Variants in KDM2B observed in about 807,000 individuals in gnomAD.
KDM2B encodes lysine-specific demethylase 2B.
In KDM2B, 26 loss-of-function variants were observed where a neutral mutation model predicts 150.0. That is an observed-to-expected ratio of 0.17 (90% CI 0.13 to 0.24). KDM2B has a LOEUF of 0.24. KDM2B is among the 10% of genes least tolerant of loss of function. The pLI is 1.00. For synonymous variants in KDM2B, 734 were observed against 729.5 expected, an observed-to-expected ratio of 1.01 and a Z score of -0.10; for missense variants, 1,265 against 1,816.9, an observed-to-expected ratio of 0.70 and a Z score of 5.52.
chr12:121,443,815 A>G, intron 16 of KDM2B, 22 bp from the exon 17 acceptor site: 1 of 1,479,958 alleles, frequency 6.8e-7, no homozygotes, highest in Non-Finnish European at 9.3e-7. Flanking sequence ...TGGAGTGGGA[A>G]GAGGAGTGAC....
At chr12:121,485,175 T>C (rs1022514069) in intron 12 of KDM2B, among the ~76,000 whole-genome samples, 8 of 152,068 alleles carry the variant, frequency 5.3e-5, no homozygotes, top group African/African-American at 1.9e-4. Context: ...TCATGAGCCT[T>C]TGTTATGAAG....
At chr12:121,540,848 A>T (rs1888551949) in intron 6 of KDM2B, among the ~76,000 whole-genome samples, 1 of 151,478 alleles carries the variant, frequency 6.6e-6, no homozygotes, top group Non-Finnish European at 1.5e-5. Context: ...ACTCTTCCAC[A>T]TCCACTGTGG....
At chr12:121,507,464 A>T (rs986150508) in intron 11 of KDM2B, among the ~76,000 whole-genome samples, 6 of 152,244 alleles carry the variant, frequency 3.9e-5, no homozygotes, top group Non-Finnish European at 5.9e-5. Context: ...GCCTCATTTC[A>T]TATTATCACG....
Position 121,509,860 on chromosome 12 carries a change from C to T in KDM2B, c.1354G>A (p.Glu452Lys). 1.2e-6 allele frequency: 2 copies of T among 1,613,926 alleles called. No homozygotes were observed. The highest frequency in any genetic ancestry group is 1.7e-6 in the Non-Finnish European group (2 of 1,179,992). ...GSTSPTSTPS[E>K]DQEALGKKPK... is the part of the protein sequence containing the mutation. ...TTCTTCCCGAGGGCCTCCTGGTCCT[C>T]AGAGGGCGTGCTGGTGGGTGAAGTG... is the stretch of plus-strand genomic sequence containing the variant. The change falls in exon 11 of 23, where the codon GAG (glutamate) becomes AAG (lysine). Residue 452 changes from glutamate to lysine, a missense_variant. Transcript: ENST00000377071.
chr12:121,578,844 G>C lies in KDM2B; in HGVS notation c.229C>G (p.Gln77Glu). Reference sequence around the variant, plus strand: ...TGCACGAAGTCCCCCTGGTACAGCTGGCTGCGAAGCTTCTCCTCCAGGCTG... The same window carrying C: ...TGCACGAAGTCCCCCTGGTACAGCTCGCTGCGAAGCTTCTCCTCCAGGCTG... ...GFSLEEKLRS[Q>E]LYQGDFVHAM... is the part of the protein sequence containing the mutation. The change falls in exon 2 of 23, where the codon CAG (glutamine) becomes GAG (glutamate). Residue 77 changes from glutamine (Q) to glutamate (E), a missense_variant. Gln to Glu is a conservative substitution (Grantham distance 29, BLOSUM62 2). This residue lies in a region of KDM2B where 214 missense variants were observed against 447.4 expected (regional missense o/e 0.48). Transcript: ENST00000377071. 6.2e-7 allele frequency: 1 copy of C among 1,609,824 alleles called. No individual in the cohort carries two copies. Among genetic ancestry groups the C allele is most frequent in the Non-Finnish European group, 8.5e-7 (1 of 1,178,392 alleles).
chr12:121,534,716 T>C, intron 6 of KDM2B, 126 bp from the exon 7 acceptor site: 1 of 674,296 alleles, frequency 1.5e-6, no homozygotes, highest in Non-Finnish European at 2.5e-6. Context: ...ATTTTCTTTT[T>C]TTCTTCTTTA....
intron 11 of KDM2B, among the ~76,000 whole-genome samples, chr12:121,502,943 T>A (rs1057488311): frequency 6.7e-5 from 10 of 149,234 alleles, no homozygotes; most frequent in Admixed American, 2.7e-4. Flanking sequence ...AAAAATAAAA[T>A]TTTTTTTTTA....
rs1376663690 is a variant in KDM2B, at chr12:121,533,334, G to C, written c.778-375C>G. Among the ~76,000 whole-genome samples the C allele has an allele frequency of 6.6e-6, 1 of 152,226 alleles. No homozygotes were observed. Among genetic ancestry groups the C allele is most frequent in the Non-Finnish European group, 1.5e-5 (1 of 68,040 alleles). ...ATAGCCCAGTAAATAAACCCAGCTT[G>C]TGCATACTTTGGAGGAGGAGGAAAA... On this transcript the variant is annotated intron_variant, in intron 7 of 22. Transcript: ENST00000377071. The surrounding 1 kb of genome is among the most constrained non-coding windows in gnomAD (Gnocchi z 4.1).
Position 121,444,544 on chromosome 12 carries a change from G to A in KDM2B, c.2104-8C>T. 4 of 1,612,986 alleles carry A rather than the reference G, an allele frequency of 2.5e-6. No individual in the cohort carries two copies. The highest frequency in any genetic ancestry group is 3.4e-6 in the Non-Finnish European group (4 of 1,179,064). On this transcript the variant is annotated splice_region_variant and splice_polypyrimidine_tract_variant and intron_variant, in intron 14 of 22. Transcript: ENST00000377071. Reference sequence around the variant, plus strand: ...ACCCTCTGACTCCTTAATCTGCGGGGAACACCAGGACTCAGAAGAGGGACG... The same window carrying A: ...ACCCTCTGACTCCTTAATCTGCGGGAAACACCAGGACTCAGAAGAGGGACG...
rs1444667651 is a variant in KDM2B at position 121,521,950 on chromosome 12, A to T, written c.932-850T>A. 6.6e-6 allele frequency among the ~76,000 whole-genome samples: 1 copy of T among 152,080 alleles called. No homozygotes were observed. Among genetic ancestry groups the T allele is most frequent in the Non-Finnish European group, 1.5e-5 (1 of 68,026 alleles). On this transcript the variant is annotated intron_variant, in intron 8 of 22. Transcript: ENST00000377071. This position sits in a 1 kb window ranked among gnomAD's most constrained non-coding sequence, Gnocchi z 4.9. The stretch of plus-strand genomic sequence containing the variant: ...ATAGTAATACCTCATCTCTAAAAAA[A>T]ATTAAATAAATAGCAGGGCATGGTG...
chr12:121,448,690 G>A (rs1280324948), intron 13 of KDM2B, among the ~76,000 whole-genome samples: 1 of 152,148 alleles, frequency 6.6e-6, no homozygotes, highest in East Asian at 1.9e-4. Context: ...ATTAAATGGC[G>A]CAAATGTTTG....
intron 12 of KDM2B, among the ~76,000 whole-genome samples, chr12:121,473,524 G>A (rs1421610600): frequency 2.6e-5 from 4 of 151,914 alleles, no homozygotes; most frequent in Admixed American, 1.3e-4. Flanking sequence ...TTTGAGACCA[G>A]CCTGGCCAAC....
chr12:121,564,142 T>G (rs1407116387), intron 4 of KDM2B, among the ~76,000 whole-genome samples: 2 of 151,528 alleles, frequency 1.3e-5, no homozygotes, highest in African/African-American at 4.9e-5. Context: ...TAGGTCCCAA[T>G]CAGTGCAACA....
At chr12:121,466,664 C>T (rs1555294845) in intron 12 of KDM2B, among the ~76,000 whole-genome samples, 1 of 150,744 alleles carries the variant, frequency 6.6e-6, no homozygotes, top group African/African-American at 2.4e-5. Context: ...GTCGGGCCCA[C>T]GGGCCCCGGG....
intron 4 of KDM2B, among the ~76,000 whole-genome samples, chr12:121,572,767 G>T (rs770219764): frequency 1.3e-5 from 2 of 151,310 alleles, no homozygotes; most frequent in Non-Finnish European, 2.9e-5. Flanking sequence ...TGAGCCTCCC[G>T]TCACAGCCTC....
intron 11 of KDM2B, among the ~76,000 whole-genome samples, chr12:121,506,807 A>T (rs1555303011): frequency 6.6e-6 from 1 of 152,132 alleles, no homozygotes; most frequent in East Asian, 1.9e-4. Context: ...GTGGTGGCGC[A>T]TGCCTGTAAT....
At chr12:121,550,920 A>C (rs1889438460) in intron 4 of KDM2B, among the ~76,000 whole-genome samples, 1 of 152,164 alleles carries the variant, frequency 6.6e-6, no homozygotes, top group South Asian at 2.1e-4. Flanking sequence ...CCAAATTCTC[A>C]GGTCCATTTA....
chr12:121,418,154 T>G, the KDM2B span: 1 of 508,968 alleles, frequency 2.0e-6, no homozygotes, highest in Non-Finnish European at 3.5e-6. Flanking sequence ...TCTCTTGGCC[T>G]TAGTTAATTT....
chr12:121,453,282 G>T lies in KDM2B; in HGVS notation c.1797C>A (p.Ala599=). ...LGPASAVKLA[A]NRTTAGARRR... ...GCCGAGCTCCTGCCGTTGTCCGGTTGGCGGCCAACTTCACCGCGGAGGCCG... is the reference window on the plus strand; with the variant it reads ...GCCGAGCTCCTGCCGTTGTCCGGTTTGCGGCCAACTTCACCGCGGAGGCCG... Residue 599 remains alanine, a synonymous_variant, in exon 13 of 23, where the codon GCC becomes GCA. Transcript: ENST00000377071. The surrounding 1 kb of genome is among the most constrained non-coding windows in gnomAD (Gnocchi z 6.4). 6.2e-7 allele frequency: 1 copy of T among 1,606,862 alleles called. No homozygotes were observed.
Sources: gnomAD v4.1 joint callset for allele counts (sites outside exome capture counted in the v4.1 genomes callset) on GRCh38, gnomAD v4.1.1 for gene constraint, gnomAD v4.1.1 regional missense constraint, Gnocchi (gnomAD v3.1) non-coding constraint, MANE v1.5 for transcripts, NCBI Gene and HGNC (gene_info 2026-07-23, HGNC 2026-07-21) for gene names.